Variants in SCIN observed in about 807,000 individuals in gnomAD.
SCIN encodes the protein scinderin, also known as adseverin.
A neutral mutation model predicts 91.8 loss-of-function variants in SCIN; 91 were observed. That is an observed-to-expected ratio of 0.99 (90% confidence interval 0.84 to 1.18). The LOEUF (loss-of-function observed/expected upper bound fraction) is 1.18, where lower values mean the gene tolerates loss of function less well. SCIN is among the 50% of genes most tolerant of loss of function. SCIN has a pLI of 0.00. For missense variants in SCIN, 1,087 were observed against 863.9 expected (o/e 1.26, Z -3.24); for synonymous variants, 367 against 312.6 (o/e 1.17, Z -1.84).
chr7:12,644,422 C>A, intron 12 of SCIN, 107 bp downstream of exon 12: 1 of 1,442,242 alleles, frequency 6.9e-7, no homozygotes, highest in Non-Finnish European at 9.3e-7. Context: ...TAAGGGTTAA[C>A]AATCTCTCCA....
In SCIN at chr7:12,622,597, C is replaced by T. The variant is rs139981080; in HGVS notation, c.667-204C>T. ...TTGTTTGAGGTTGCAAACAAGCAAC[C>T]TCAGTGCTTGTTTACTTAATGCAAT... On this transcript the variant is annotated intron_variant, in intron 4 of 15. Coordinates refer to ENST00000297029, the MANE Select transcript of SCIN (RefSeq NM_001112706.3). Among the ~76,000 whole-genome samples, 4 of 151,996 alleles carry T rather than the reference C, an allele frequency of 2.6e-5. No homozygotes were observed. In the East Asian group the frequency reaches 5.8e-4, roughly 22 times the overall value.
intron 1 of SCIN, among the ~76,000 whole-genome samples, chr7:12,576,437 G>T (rs1447944958): frequency 6.6e-6 from 1 of 150,912 alleles, no homozygotes; most frequent in Admixed American, 6.6e-5. Context: ...GAGGGAAATT[G>T]TAAGGAAATC....
At position 12,651,936 on chromosome 7, in the gene SCIN, C is replaced by A. The variant is rs368522683; in HGVS notation, c.2020+35C>A. 1.4e-6 allele frequency: 2 copies of A among 1,448,152 alleles called. No individual in the cohort carries two copies. Among genetic ancestry groups the A allele is most frequent in the Non-Finnish European group, 9.6e-7 (1 of 1,041,962 alleles). 89.7% of individuals were successfully genotyped at this position (1,448,152 alleles called of 1,614,324 possible). On this transcript the variant is annotated intron_variant, in intron 15 of 15. Coordinates refer to ENST00000297029, the MANE Select transcript of SCIN (RefSeq NM_001112706.3). This position sits in a 1 kb window ranked among gnomAD's most constrained non-coding sequence, Gnocchi z 5.9. ...ATCGATGGACCATTATAGCAGTAAC[C>A]GGGCACCATTATGACCGAGTGTCTG...
At chr7:12,580,457 C>G (rs951353083) in intron 2 of SCIN, among the ~76,000 whole-genome samples, 13 of 152,084 alleles carry the variant, frequency 8.5e-5, no homozygotes, top group African/African-American at 3.1e-4. Flanking sequence ...AGTAAAAACA[C>G]TCAGGCCTAG....
chr7:12,630,973 T>C (rs1783630612), intron 9 of SCIN, among the ~76,000 whole-genome samples: 1 of 152,232 alleles, frequency 6.6e-6, no homozygotes, highest in Non-Finnish European at 1.5e-5. Context: ...TTTTGCATTT[T>C]ATTTCATGGT....
chr7:12,643,350 C>T (rs1783893696), intron 11 of SCIN, among the ~76,000 whole-genome samples: 1 of 152,162 alleles, frequency 6.6e-6, no homozygotes. Context: ...AGCTTCTATC[C>T]ATCATCCGGG....
chr7:12,623,482 A>G (rs1783451370), intron 5 of SCIN, among the ~76,000 whole-genome samples: 1 of 152,124 alleles, frequency 6.6e-6, no homozygotes, highest in Admixed American at 6.6e-5. Context: ...TGCACACACA[A>G]CAAAGAAAGT....
In SCIN at chr7:12,579,104, A is replaced by AT. The variant is rs1339315249; in HGVS notation, c.354+887dup. Among the ~76,000 whole-genome samples the AT allele has an allele frequency of 3.3e-5, 5 of 151,908 alleles. No homozygotes were observed. The East Asian group carries it at 9.7e-4, about 29-fold the overall frequency. ...CACCCCACTGCCCTGCCCTGTGAGCATGCTACCCTAGTGAAGACCTGAAAC... is the reference window on the plus strand; with the variant it reads ...CACCCCACTGCCCTGCCCTGTGAGCATTGCTACCCTAGTGAAGACCTGAAAC... On this transcript the variant is annotated intron_variant, in intron 2 of 15. Coordinates refer to ENST00000297029, the MANE Select transcript of SCIN (RefSeq NM_001112706.3).
At position 12,570,991 on chromosome 7, in the gene SCIN, G is replaced by A. The variant is rs893599001; in HGVS notation, c.199+6G>A. 1.2e-5 allele frequency: 19 copies of A among 1,546,536 alleles called. No individual in the cohort carries two copies. The African/African-American group carries it at 1.8e-4, about 15-fold the overall frequency. On this transcript the variant is annotated splice_donor_region_variant and intron_variant, in intron 1 of 15. Transcript: ENST00000297029. ...CCACCTGCACTTCTGGCTCGGTAAG[G>A]GACGGCGGGCGGCGGGACCCCGACG...
chr7:12,634,753 A>T (rs1783712796), intron 9 of SCIN, among the ~76,000 whole-genome samples: 1 of 152,150 alleles, frequency 6.6e-6, no homozygotes, highest in South Asian at 2.1e-4. Flanking sequence ...ATCTCCCACA[A>T]GTTGCTTTAC....
chr7:12,570,892 G>A lies in SCIN; in HGVS notation c.106G>A (p.Ala36Thr), dbSNP rs374442574. Residue 36 changes from alanine (A) to threonine (T), a missense_variant, in exon 1 of 16, where the codon GCT (alanine) becomes ACT (threonine). Coordinates refer to ENST00000297029, the MANE Select transcript of SCIN (RefSeq NM_001112706.3). The part of the protein sequence containing the change: ...KLELVPVPQS[A>T]HGDFYVGDAY... ...GGAGCTGGTGCCCGTGCCCCAGAGC[G>A]CTCACGGCGACTTCTACGTCGGGGA... is the stretch of plus-strand genomic sequence containing the variant. 1.1e-4 allele frequency: 172 copies of A among 1,551,460 alleles called. No individual in the cohort carries two copies. Among genetic ancestry groups the A allele is most frequent in the South Asian group, 6.5e-4 (55 of 84,058 alleles).
chr7:12,610,702 A>T (rs1783172420), intron 4 of SCIN, among the ~76,000 whole-genome samples: 1 of 152,210 alleles, frequency 6.6e-6, no homozygotes, highest in Admixed American at 6.5e-5. Flanking sequence ...AACTAGATTT[A>T]CATGGAAAGG....
intron 1 of SCIN, among the ~76,000 whole-genome samples, chr7:12,577,338 T>A (rs1206942291): frequency 6.6e-6 from 1 of 152,198 alleles, no homozygotes; most frequent in African/African-American, 2.4e-5. Context: ...ATGCTCATAT[T>A]TCTCACAAAC....
chr7:12,658,132 TA>T lies in SCIN; in HGVS notation c.*5421del, dbSNP rs1180281993. 1 of 152,226 alleles carries T rather than the reference TA, an allele frequency of 6.6e-6. No individual in the cohort carries two copies. The highest frequency in any genetic ancestry group is 1.5e-5 in the Non-Finnish European group (1 of 68,048). The allele number at this position is 152,226 out of a possible 1,614,324, so 9.4% of individuals were successfully genotyped here. A position where few individuals can be genotyped will look rare whatever the true frequency, so the allele number is the denominator to read the frequency against. ...TCTAAGGTTTTAATAATTCATGAAA[TA>T]AAACTAATGTTGATGTTATCCAAAT... On this transcript the variant is annotated 3_prime_UTR_variant, in exon 16 of 16. Coordinates refer to ENST00000297029, the MANE Select transcript of SCIN (RefSeq NM_001112706.3).
Position 12,581,138 on chromosome 7 carries a change from C to A in SCIN, c.433C>A (p.Arg145Ser), listed in dbSNP as rs1240355130. ...CAAGAGGCTCCTACATGTGAAGGGT[C>A]GTAGAGTGGTGAGAGCCACAGAAGT... ...TAKRLLHVKG[R>S]RVVRATEVPL... The change falls in exon 3 of 16, where the codon CGT becomes AGT. Residue 145 changes from arginine (R) to serine (S), a missense_variant. Transcript: ENST00000297029. 1.3e-6 allele frequency: 2 copies of A among 1,551,374 alleles called. No individual in the cohort carries two copies.
intron 9 of SCIN, among the ~76,000 whole-genome samples, chr7:12,630,376 G>C (rs1218583152): frequency 6.6e-6 from 1 of 152,166 alleles, no homozygotes; most frequent in Non-Finnish European, 1.5e-5. Flanking sequence ...TTTAATGATT[G>C]ACAGGCACTG....
At chr7:12,635,313 T>C (rs1783725218) in intron 9 of SCIN, among the ~76,000 whole-genome samples, 1 of 151,338 alleles carries the variant, frequency 6.6e-6, no homozygotes, top group Non-Finnish European at 1.5e-5. Context: ...CAAATATTCA[T>C]AGAAAGACAA....
intron 3 of SCIN, among the ~76,000 whole-genome samples, chr7:12,602,516 A>C (rs1782979095): frequency 6.6e-6 from 1 of 152,138 alleles, no homozygotes; most frequent in Non-Finnish European, 1.5e-5. Context: ...GTACTCCAGG[A>C]GACCAGGGCA....
intron 3 of SCIN, chr7:12,588,868 C>T (rs1424991370): frequency 7.1e-6 from 1 of 140,976 alleles, no homozygotes; most frequent in Non-Finnish European, 1.5e-5. Flanking sequence ...CAACTTGTTC[C>T]TAACATTCCA....
Sources: allele counts gnomAD v4.1 joint callset (sites outside exome capture counted in the v4.1 genomes callset), GRCh38; gene constraint gnomAD v4.1.1; non-coding constraint Gnocchi (gnomAD v3.1); transcripts MANE v1.5; gene names NCBI Gene and HGNC (gene_info 2026-07-23, HGNC 2026-07-21).